MCF2L: variants seen among roughly 807,000 people sequenced by gnomAD.
The protein encoded by MCF2L is MCF.2 cell line derived transforming sequence like, also known as guanine nucleotide exchange factor DBS.
Under a neutral mutation model 153.4 loss-of-function variants are expected in MCF2L, and 97 were observed. The observed-to-expected ratio is 0.63, with a 90% CI of 0.54 to 0.75. The LOEUF (loss-of-function observed/expected upper bound fraction) is 0.75, where lower values mean the gene tolerates loss of function less well. Among genes scored for constraint, MCF2L ranks in the 30% least tolerant of loss-of-function variants. The pLI is 0.00. For missense variants in MCF2L, 1,347 were observed against 1,495.2 expected (o/e 0.90, Z 1.64); for synonymous variants, 659 against 632.2 (o/e 1.04, Z -0.64).
At chr13:113,036,427 C>T (rs2086154554) in intron 3 of MCF2L, among the ~76,000 whole-genome samples, 1 of 152,208 alleles carries the variant, frequency 6.6e-6, no homozygotes, top group South Asian at 2.1e-4. Flanking sequence ...GCCTGTGTCT[C>T]TGTGCTCTGG....
intron 3 of MCF2L, among the ~76,000 whole-genome samples, chr13:113,030,335 G>A (rs2085582695): frequency 6.8e-6 from 1 of 146,020 alleles, no homozygotes; most frequent in Non-Finnish European, 1.5e-5. Context: ...GGTGTCTGCC[G>A]ACGCCCGGTG....
intron 1 of MCF2L, chr13:112,985,479 GGT>G (rs1234280107): frequency 2.1e-6 from 1 of 470,838 alleles, no homozygotes; most frequent in African/African-American, 2.0e-5. Flanking sequence ...CGTGGCTGAG[GGT>G]GAGTCTCCTC....
At chr13:113,029,768 C>G (rs1054862162) in intron 3 of MCF2L, among the ~76,000 whole-genome samples, 1 of 152,278 alleles carries the variant, frequency 6.6e-6, no homozygotes, top group East Asian at 1.9e-4. Context: ...AGATGGTGGA[C>G]GAGACCCTGG....
intron 4 of MCF2L, among the ~76,000 whole-genome samples, chr13:113,058,668 CTG>C (rs1324119988): frequency 2.8e-5 from 4 of 144,386 alleles, no homozygotes; most frequent in African/African-American, 1.0e-4. Flanking sequence ...TGAGTGGGCG[CTG>C]TGTGTTTGGG....
intron 20 of MCF2L, among the ~76,000 whole-genome samples, chr13:113,085,475 T>C (rs2034542831): frequency 2.0e-5 from 3 of 152,170 alleles, no homozygotes; most frequent in Admixed American, 6.5e-5. Flanking sequence ...GTGCCCGGAT[T>C]ATCTGGCACA....
intron 2 of MCF2L, among the ~76,000 whole-genome samples, chr13:112,927,633 G>A (rs1275203133): frequency 1.3e-5 from 2 of 152,352 alleles, no homozygotes; most frequent in Admixed American, 1.3e-4. Context: ...CAGAAGGCGA[G>A]TTGGACATTA....
chr13:113,001,986 G>A (rs2083405265), intron 1 of MCF2L: 1 of 1,577,834 alleles, frequency 6.3e-7, no homozygotes. Context: ...CGGCGCAGGT[G>A]CGTGGGGCGC....
upstream of MCF2L, among the ~76,000 whole-genome samples, chr13:112,966,479 T>C (rs1357536012): frequency 6.6e-6 from 1 of 152,170 alleles, no homozygotes; most frequent in Non-Finnish European, 1.5e-5. This position sits in a 1 kb window ranked among gnomAD's most constrained non-coding sequence, Gnocchi z 4.1. Flanking sequence ...TCTACTGATA[T>C]AAGTGTCAAT....
intron 2 of MCF2L, among the ~76,000 whole-genome samples, chr13:112,942,071 C>A (rs2081580761): frequency 6.6e-6 from 1 of 152,190 alleles, no homozygotes; most frequent in African/African-American, 2.4e-5. Context: ...GTCTCCTTTT[C>A]CCTGGGGGGA....
intron 2 of MCF2L, among the ~76,000 whole-genome samples, chr13:113,015,521 G>A (rs74115738): frequency 0.016 from 2,503 of 152,256 alleles, 70 homozygotes; most frequent in African/African-American, 0.057. Context: ...CGAGGACGCG[G>A]TGCTCTTGGG....
chr13:113,067,041 T>G (rs1350361572), intron 8 of MCF2L, among the ~76,000 whole-genome samples: 1 of 152,244 alleles, frequency 6.6e-6, no homozygotes, highest in Admixed American at 6.5e-5. Context: ...AGGCAGAGGC[T>G]GCAGCACAGC....
At chr13:112,986,173 G>C (rs558419039) in intron 1 of MCF2L, among the ~76,000 whole-genome samples, 1 of 150,194 alleles carries the variant, frequency 6.7e-6, no homozygotes, top group African/African-American at 2.5e-5. Context: ...CATGACCTGC[G>C]GTCGGGGTCT....
chr13:113,050,889 G>T (rs1225482267), intron 4 of MCF2L, among the ~76,000 whole-genome samples: 1 of 152,016 alleles, frequency 6.6e-6, no homozygotes, highest in Non-Finnish European at 1.5e-5. Flanking sequence ...AGGGGGGCGA[G>T]GAGCTTCCCC....
At chr13:113,023,296 T>C (rs1193473256) in intron 2 of MCF2L, among the ~76,000 whole-genome samples, 1 of 152,202 alleles carries the variant, frequency 6.6e-6, no homozygotes, top group African/African-American at 2.4e-5. Flanking sequence ...TAATGAGTCA[T>C]GTCCCATTGA....
chr13:112,897,010 G>A (rs1467548425), intron 1 of MCF2L, among the ~76,000 whole-genome samples: 1 of 152,192 alleles, frequency 6.6e-6, no homozygotes, highest in African/African-American at 2.4e-5. Flanking sequence ...CACCCTGAGA[G>A]GAGGCCAGGC....
intron 4 of MCF2L, among the ~76,000 whole-genome samples, chr13:113,050,847 G>T (rs905474750): frequency 6.6e-6 from 1 of 151,746 alleles, no homozygotes; most frequent in African/African-American, 2.4e-5. Flanking sequence ...TGCTTGGTGA[G>T]AGCCTGACGG....
intron 2 of MCF2L, 71 bp from the exon 3 acceptor site, chr13:113,024,573 G>T: frequency 1.1e-6 from 1 of 901,014 alleles, no homozygotes; most frequent in Non-Finnish European, 1.8e-6. Flanking sequence ...TGATGAAAAC[G>T]GGCCGACATC....
chr13:113,065,707 C>G (rs2032256175), intron 7 of MCF2L, among the ~76,000 whole-genome samples: 1 of 152,260 alleles, frequency 6.6e-6, no homozygotes, highest in Admixed American at 6.5e-5. Context: ...AGGACTGTGC[C>G]TCTGTGCTCA....
intron 2 of MCF2L, among the ~76,000 whole-genome samples, chr13:112,928,752 A>G (rs1439584439): frequency 6.6e-6 from 1 of 152,228 alleles, no homozygotes; most frequent in Non-Finnish European, 1.5e-5. Flanking sequence ...GGAAAGGACC[A>G]TATGTTTTTT....
Sources: gnomAD v4.1 joint callset for allele counts (sites outside exome capture counted in the v4.1 genomes callset) on GRCh38, gnomAD v4.1.1 for gene constraint, Gnocchi (gnomAD v3.1) non-coding constraint, MANE v1.5 for transcripts, NCBI Gene and HGNC (gene_info 2026-07-23, HGNC 2026-07-21) for gene names.